IQCJ: variants seen among roughly 807,000 people sequenced by gnomAD.
IQCJ encodes the protein IQ motif containing J.
IQCJ carries 9 observed loss-of-function variants against 11.0 expected under a neutral mutation model. The ratio of observed to expected loss-of-function variants is 0.82; its 90% CI spans 0.49 to 1.43. IQCJ has a LOEUF of 1.43. Ranked by LOEUF, IQCJ falls within the 40% of genes most tolerant of loss-of-function variation. The pLI, the probability that IQCJ is intolerant of heterozygous loss-of-function variation, is 0.00. For missense variants in IQCJ, 146 were observed against 133.2 expected (o/e 1.10, Z -0.47); for synonymous variants, 55 against 51.3 (o/e 1.07, Z -0.31).
intron 1 of IQCJ, among the ~76,000 whole-genome samples, chr3:159,172,003 GCAAATT>G (rs1722506900): frequency 6.6e-6 from 1 of 152,076 alleles, no homozygotes; most frequent in African/African-American, 2.4e-5. Flanking sequence ...TGGTGTCACT[GCAAATT>G]GTCACATTTG....
chr3:159,257,513 A>C (rs1727962289), intron 3 of IQCJ, among the ~76,000 whole-genome samples: 1 of 152,166 alleles, frequency 6.6e-6, no homozygotes, highest in Non-Finnish European at 1.5e-5. Context: ...CGTAGGAAGC[A>C]TCATCCATCA....
chr3:159,202,898 G>A (rs1340566386), intron 1 of IQCJ, among the ~76,000 whole-genome samples: 2 of 152,080 alleles, frequency 1.3e-5, no homozygotes, highest in Non-Finnish European at 1.5e-5. Context: ...TTGAGGAAAG[G>A]AGGGAGCCAC....
At chr3:159,159,754 G>A (rs77558656) in intron 1 of IQCJ, among the ~76,000 whole-genome samples, 1,728 of 152,210 alleles carry the variant, frequency 0.011, 24 homozygotes, top group Non-Finnish European at 0.018. Context: ...TGGATCCCTC[G>A]TAAATGGTTT....
At chr3:159,221,820 T>TA (rs59547898) in intron 1 of IQCJ, among the ~76,000 whole-genome samples, 287 of 99,070 alleles carry the variant, frequency 2.9e-3, no homozygotes, top group Middle Eastern at 0.021. Flanking sequence ...CAAGAAAGAA[T>TA]AAAAAAAAAA....
intron 1 of IQCJ, among the ~76,000 whole-genome samples, chr3:159,146,014 A>T (rs560052546): frequency 1.3e-5 from 2 of 152,302 alleles, no homozygotes; most frequent in South Asian, 4.1e-4. Context: ...AAACTAAAGG[A>T]CATACAGGAT....
At chr3:159,214,013 C>T (rs1045693671) in intron 1 of IQCJ, among the ~76,000 whole-genome samples, 9 of 152,112 alleles carry the variant, frequency 5.9e-5, no homozygotes, top group Non-Finnish European at 1.3e-4. Flanking sequence ...TTAGTTCTTA[C>T]TTGACACACT....
At chr3:159,153,857 T>G (rs1208012403) in intron 1 of IQCJ, among the ~76,000 whole-genome samples, 1 of 152,226 alleles carries the variant, frequency 6.6e-6, no homozygotes, top group East Asian at 1.9e-4. Flanking sequence ...GTGCTGTCAC[T>G]GCGGAGCTGT....
At chr3:159,119,627 A>G (rs1204109615) in intron 1 of IQCJ, among the ~76,000 whole-genome samples, 1 of 152,236 alleles carries the variant, frequency 6.6e-6, no homozygotes, top group African/African-American at 2.4e-5. Flanking sequence ...GAGAAAGGAG[A>G]CTAGAGATAT....
chr3:159,239,590 AC>A (rs1442138063), intron 1 of IQCJ, among the ~76,000 whole-genome samples: 1 of 152,132 alleles, frequency 6.6e-6, no homozygotes, highest in Non-Finnish European at 1.5e-5. Flanking sequence ...CTAAAAATTA[AC>A]CTTTGGTTTT....
intron 1 of IQCJ, among the ~76,000 whole-genome samples, chr3:159,188,095 C>G (rs1723476888): frequency 6.6e-6 from 1 of 152,176 alleles, no homozygotes; most frequent in African/African-American, 2.4e-5. Context: ...GTGCTCTCAG[C>G]CTTTTTCTTT....
chr3:159,126,059 A>G (rs1301953745), intron 1 of IQCJ, among the ~76,000 whole-genome samples: 1 of 152,080 alleles, frequency 6.6e-6, no homozygotes, highest in Non-Finnish European at 1.5e-5. Context: ...TTTTCCTTCA[A>G]CTCCTTCTGT....
chr3:159,121,974 A>G (rs1719407422), intron 1 of IQCJ, among the ~76,000 whole-genome samples: 1 of 152,220 alleles, frequency 6.6e-6, no homozygotes, highest in Non-Finnish European at 1.5e-5. Context: ...ACAGAGTGTC[A>G]TAGACTGGAT....
chr3:159,219,869 C>A (rs974771258), intron 1 of IQCJ, among the ~76,000 whole-genome samples: 7 of 152,140 alleles, frequency 4.6e-5, no homozygotes, highest in African/African-American at 1.7e-4. Flanking sequence ...GTCAGTCCCA[C>A]CGGACAAGGC....
intron 1 of IQCJ, among the ~76,000 whole-genome samples, chr3:159,207,521 A>G (rs1289823428): frequency 6.6e-6 from 1 of 152,214 alleles, no homozygotes; most frequent in Admixed American, 6.5e-5. Context: ...TTGAAAAAAA[A>G]AATAGATGAC....
At chr3:159,174,160 C>T (rs942998371) in intron 1 of IQCJ, among the ~76,000 whole-genome samples, 7 of 151,952 alleles carry the variant, frequency 4.6e-5, no homozygotes, top group African/African-American at 1.7e-4. Flanking sequence ...TTAATATTGG[C>T]CAGTTCTAGT....
intron 3 of IQCJ, among the ~76,000 whole-genome samples, chr3:159,255,582 C>A (rs1042376244): frequency 6.6e-6 from 1 of 152,138 alleles, no homozygotes; most frequent in African/African-American, 2.4e-5. Flanking sequence ...GAGGCAGAGG[C>A]CTGTCAGAAA....
At chr3:159,110,997 C>T (rs1313154684) in intron 1 of IQCJ, among the ~76,000 whole-genome samples, 1 of 152,174 alleles carries the variant, frequency 6.6e-6, no homozygotes, top group Non-Finnish European at 1.5e-5. Flanking sequence ...ACAGAAGAGG[C>T]TTTCAGCAAA....
At chr3:159,121,152 TAA>T (rs60088453) in intron 1 of IQCJ, among the ~76,000 whole-genome samples, 46,830 of 142,664 alleles carry the variant, frequency 0.33, 7,426 homozygotes, top group South Asian at 0.41. Context: ...TTTTTTTTTT[TAA>T]TTAGGGTCTT....
intron 1 of IQCJ, among the ~76,000 whole-genome samples, chr3:159,218,763 A>T (rs570240180): frequency 1.1e-4 from 16 of 152,278 alleles, no homozygotes; most frequent in African/African-American, 3.4e-4. Flanking sequence ...GCTGTAACAA[A>T]TTATCACAAA....
Sources: allele counts gnomAD v4.1 joint callset (sites outside exome capture counted in the v4.1 genomes callset), GRCh38; gene constraint gnomAD v4.1.1; transcripts MANE v1.5; gene names NCBI Gene and HGNC (gene_info 2026-07-23, HGNC 2026-07-21).